The following CDH13 variants were observed in gnomAD, a reference collection of about 807,000 sequenced individuals.
The protein encoded by CDH13 is cadherin-13.
A neutral mutation model predicts 63.8 loss-of-function variants in CDH13; 24 were observed. The observed-to-expected ratio is 0.38, with a 90% CI of 0.27 to 0.53. The LOEUF is 0.53. CDH13 is among the 20% of genes least tolerant of loss of function. CDH13 has a pLI of 0.85. For synonymous variants in CDH13, 503 were observed against 355.3 expected, an observed-to-expected ratio of 1.42 and a Z score of -4.67; for missense variants, 1,049 against 903.1, an observed-to-expected ratio of 1.16 and a Z score of -2.07.
chr16:83,326,828 G>C (rs960163034), intron 5 of CDH13, among the ~76,000 whole-genome samples: 8 of 152,184 alleles, frequency 5.3e-5, no homozygotes, highest in Non-Finnish European at 1.2e-4. Flanking sequence ...ATGCTGGCTG[G>C]TTGTCATGTG....
chr16:82,952,843 C>G (rs1905489345), intron 2 of CDH13, among the ~76,000 whole-genome samples: 1 of 152,160 alleles, frequency 6.6e-6, no homozygotes, highest in African/African-American at 2.4e-5. Context: ...CTTGTTCTCC[C>G]TCCACCTCTG....
chr16:83,102,930 C>CTTTTTTTTTTTTTTTTTTTTTTTTTTT (rs71148812), intron 3 of CDH13, among the ~76,000 whole-genome samples: 3 of 96,928 alleles, frequency 3.1e-5, no homozygotes, highest in African/African-American at 4.6e-5. Flanking sequence ...TTTTCTTTTT[C>CTTTTTTTTTTTTTTTTTTTTTTTTTTT]TTTTTTTTTT....
At chr16:83,052,042 T>C (rs1425602916) in intron 3 of CDH13, among the ~76,000 whole-genome samples, 1 of 152,218 alleles carries the variant, frequency 6.6e-6, no homozygotes, top group African/African-American at 2.4e-5. Context: ...TTAGATAAAT[T>C]AGAAGCATGA....
intron 2 of CDH13, among the ~76,000 whole-genome samples, chr16:82,998,490 A>G (rs575917947): frequency 1.3e-5 from 2 of 152,294 alleles, no homozygotes; most frequent in East Asian, 3.9e-4. Flanking sequence ...ATAAAGCATG[A>G]TGATAAAACA....
chr16:82,934,102 C>T (rs1427897281), intron 2 of CDH13, among the ~76,000 whole-genome samples: 2 of 152,254 alleles, frequency 1.3e-5, no homozygotes, highest in Non-Finnish European at 2.9e-5. Context: ...TCTGATCCCA[C>T]ATTCCCCTTC....
At chr16:83,108,540 C>T (rs2034896703) in intron 3 of CDH13, among the ~76,000 whole-genome samples, 1 of 152,212 alleles carries the variant, frequency 6.6e-6, no homozygotes, top group Non-Finnish European at 1.5e-5. Context: ...CTCCCCACTG[C>T]AAAGGGCACA....
chr16:83,057,167 A>G (rs1407789545), intron 3 of CDH13, among the ~76,000 whole-genome samples: 1 of 152,048 alleles, frequency 6.6e-6, no homozygotes, highest in Non-Finnish European at 1.5e-5. Flanking sequence ...GGGTTTCACC[A>G]TGTTGGCCAG....
chr16:83,633,541 G>A (rs1356964462), intron 8 of CDH13, among the ~76,000 whole-genome samples: 2 of 152,182 alleles, frequency 1.3e-5, no homozygotes, highest in African/African-American at 2.4e-5. Context: ...GTTGCAGGGA[G>A]TGTTTTCTAA....
chr16:83,697,407 G>A (rs1391639569), intron 10 of CDH13, among the ~76,000 whole-genome samples: 1 of 152,232 alleles, frequency 6.6e-6, no homozygotes, highest in Non-Finnish European at 1.5e-5. Flanking sequence ...CGGAAGTGCT[G>A]TCCAGCGTCT....
At chr16:83,134,297 G>A (rs146237518) in intron 4 of CDH13, among the ~76,000 whole-genome samples, 3,231 of 152,116 alleles carry the variant, frequency 0.021, 107 homozygotes, top group African/African-American at 0.072. Context: ...GGTTCAAGCA[G>A]TTCTGCCTCA....
Position 83,796,488 on chromosome 16 carries a change from CAGAT to C in CDH13, c.*1462_*1465del, listed in dbSNP as rs1904281870. ...TTGTCTTTGTTGTAGTGAAATTATA[CAGAT>C]AGAGTTCCATATATTGTATTTGTTT... is the stretch of plus-strand genomic sequence containing the variant. On this transcript the variant is annotated 3_prime_UTR_variant, in exon 14 of 14. Coordinates refer to ENST00000567109, the MANE Select transcript of CDH13 (RefSeq NM_001257.5). 6.6e-6 allele frequency: 1 copy of C among 152,210 alleles called. No individual in the cohort carries two copies. The highest frequency in any genetic ancestry group is 2.4e-5 in the African/African-American group (1 of 41,448). 9.4% of individuals were successfully genotyped at this position (152,210 alleles called of 1,614,324 possible). A position where few individuals can be genotyped will look rare whatever the true frequency, so the allele number is the denominator to read the frequency against.
At chr16:82,769,465 G>A (rs1292112505) in intron 1 of CDH13, among the ~76,000 whole-genome samples, 1 of 152,178 alleles carries the variant, frequency 6.6e-6, no homozygotes, top group Non-Finnish European at 1.5e-5. Context: ...CAGGGAAGAA[G>A]AAGAAATAAA....
intron 1 of CDH13, among the ~76,000 whole-genome samples, chr16:82,666,105 C>T (rs1441184602): frequency 2.0e-5 from 3 of 152,162 alleles, no homozygotes; most frequent in Admixed American, 2.0e-4. Context: ...AAGTTAATGG[C>T]ATCCCTCTCT....
chr16:82,977,479 C>T (rs1419300389), intron 2 of CDH13, among the ~76,000 whole-genome samples: 1 of 152,142 alleles, frequency 6.6e-6, no homozygotes, highest in Non-Finnish European at 1.5e-5. Flanking sequence ...TGAGTGAGTT[C>T]TCACGAGATG....
intron 2 of CDH13, among the ~76,000 whole-genome samples, chr16:82,962,024 C>T (rs145795327): frequency 6.6e-6 from 1 of 152,274 alleles, no homozygotes; most frequent in African/African-American, 2.4e-5. Flanking sequence ...GGTAAAATAA[C>T]ATAGATGCTA....
At chr16:83,519,215 T>C (rs954431254) in intron 7 of CDH13, among the ~76,000 whole-genome samples, 6 of 151,898 alleles carry the variant, frequency 4.0e-5, no homozygotes, top group Non-Finnish European at 7.4e-5. Context: ...ATACCAGGAG[T>C]CTTGTCTTGT....
At chr16:83,627,947 C>G (rs1318446982) in intron 8 of CDH13, among the ~76,000 whole-genome samples, 14 of 152,264 alleles carry the variant, frequency 9.2e-5, no homozygotes, top group Non-Finnish European at 2.9e-5. Flanking sequence ...ATTCCCAGGG[C>G]TTTTTAGACC....
chr16:83,713,183 C>T (rs146409343), intron 10 of CDH13, among the ~76,000 whole-genome samples: 1 of 152,344 alleles, frequency 6.6e-6, no homozygotes, highest in Non-Finnish European at 1.5e-5. Flanking sequence ...GCCTGCACTT[C>T]ATTCACTGAG....
chr16:82,653,149 A>T (rs1024506417), intron 1 of CDH13, among the ~76,000 whole-genome samples: 1 of 152,056 alleles, frequency 6.6e-6, no homozygotes. Context: ...ATAGATACTT[A>T]TTGAACGGTT....
Sources: gnomAD v4.1 joint callset for allele counts (sites outside exome capture counted in the v4.1 genomes callset) on GRCh38, gnomAD v4.1.1 for gene constraint, MANE v1.5 for transcripts, NCBI Gene and HGNC (gene_info 2026-07-23, HGNC 2026-07-21) for gene names.